The following XG variants were observed in gnomAD, a reference collection of about 807,000 sequenced individuals.
XG encodes Xg glycoprotein (Xg blood group), also known as glycoprotein Xg.
A neutral mutation model predicts 25.7 loss-of-function variants in XG; 24 were observed. The observed-to-expected ratio is 0.93, with a 90% CI of 0.68 to 1.31. The LOEUF (loss-of-function observed/expected upper bound fraction) is 1.31. Ranked by LOEUF, XG falls within the 40% of genes most tolerant of loss-of-function variation. The probability of loss-of-function intolerance (pLI) is 0.00; values close to 1 mark genes in which losing one functional copy is unlikely to be tolerated. For missense variants in XG, 181 were observed against 187.6 expected, an observed-to-expected ratio of 0.96 and a Z score of 0.21; for synonymous variants, 77 against 69.2, an observed-to-expected ratio of 1.11 and a Z score of -0.56.
At chrX:2,779,168 TAGG>T (rs1168301677) in intron 3 of XG, among the ~76,000 whole-genome samples, 1 of 151,614 alleles carries the variant, frequency 6.6e-6, no homozygotes, top group African/African-American at 2.4e-5. Flanking sequence ...ACCTCAGAGT[TAGG>T]AGGTTTTTCT....
At chrX:2,779,804 C>T (rs2857318) in intron 3 of XG, among the ~76,000 whole-genome samples, 43,111 of 151,642 alleles carry the variant, frequency 0.28, 2,933 homozygotes, top group African/African-American at 0.4. Context: ...GCGCCACCAC[C>T]CCCAGCTAAT....
intron 2 of XG, among the ~76,000 whole-genome samples, chrX:2,772,805 CT>C (rs1462847879): frequency 1.3e-5 from 2 of 152,222 alleles, no homozygotes; most frequent in Admixed American, 1.3e-4. Flanking sequence ...CTGCCAGTGC[CT>C]GCAAACACAT....
At chrX:2,783,769 G>A (rs1314933085) in intron 4 of XG, among the ~76,000 whole-genome samples, 2 of 112,864 alleles carry the variant, frequency 1.8e-5, no homozygotes, top group East Asian at 5.6e-4. Flanking sequence ...GAAGTCAGGA[G>A]CTCGAGACCA....
intron 7 of XG, among the ~76,000 whole-genome samples, chrX:2,805,870 C>A (rs973733780): frequency 9.0e-6 from 1 of 111,722 alleles, no homozygotes; most frequent in Non-Finnish European, 1.9e-5. Flanking sequence ...GTTAGGACTG[C>A]GACCTGTGAA....
intron 9 of XG, among the ~76,000 whole-genome samples, chrX:2,808,848 C>T (rs2087028661): frequency 9.0e-6 from 1 of 111,639 alleles, no homozygotes. Context: ...CTCTACCTTT[C>T]AATGATCATG....
chrX:2,774,834 T>C, intron 3 of XG, 95 bp downstream of exon 3: 1 of 1,499,256 alleles, frequency 6.7e-7, no homozygotes, highest in African/African-American at 1.4e-5. Flanking sequence ...AACTGTGGGG[T>C]ATATGAAAGA....
rs868579518 is a variant in XG at position 2,770,017 on chromosome X, G to T, written c.62-533G>T. ...CTCAACCTAGACTCTGTGCGTGTGT[G>T]GAGGGGTGGGGGGGGCGTTGGGGGG... On this transcript the variant is annotated intron_variant, in intron 1 of 10. Coordinates refer to ENST00000644266, the MANE Select transcript of XG (RefSeq NM_001141919.2). 1.1e-3 allele frequency among the ~76,000 whole-genome samples: 133 copies of T among 117,626 alleles called. 3 individuals carry two copies. Among genetic ancestry groups the T allele is most frequent in the Non-Finnish European group, 2.3e-3 (116 of 50,826 alleles). The allele number at this position is 117,626 out of a possible 152,430, so 77.2% of individuals were successfully genotyped here.
chrX:2,797,986 G>C (rs2086901018), intron 7 of XG, among the ~76,000 whole-genome samples: 1 of 112,201 alleles, frequency 8.9e-6, no homozygotes, highest in Non-Finnish European at 1.9e-5. Context: ...GCTTCAGTGA[G>C]CAGACAGAGA....
chrX:2,783,458 T>G (rs2086752597), intron 4 of XG, among the ~76,000 whole-genome samples: 1 of 112,110 alleles, frequency 8.9e-6, no homozygotes, highest in Non-Finnish European at 1.9e-5. Context: ...TCAACAACCT[T>G]AAAAACTTAA....
chrX:2,768,331 G>T (rs1398687364), intron 1 of XG, among the ~76,000 whole-genome samples: 3 of 152,174 alleles, frequency 2.0e-5, no homozygotes, highest in Non-Finnish European at 4.4e-5. Context: ...GCATAGCCGG[G>T]ACGCTTAACT....
At chrX:2,810,533 C>T (rs770277120) in intron 9 of XG, among the ~76,000 whole-genome samples, 4 of 111,384 alleles carry the variant, frequency 3.6e-5, no homozygotes, top group Non-Finnish European at 7.5e-5. Context: ...GCCTGTCATC[C>T]CAACTACTCA....
chrX:2,765,307 C>T (rs773941748), intron 1 of XG, among the ~76,000 whole-genome samples: 53 of 150,890 alleles, frequency 3.5e-4, no homozygotes, highest in African/African-American at 1.1e-3. Flanking sequence ...ACAGAGATTG[C>T]GCCATTGCAC....
intron 3 of XG, among the ~76,000 whole-genome samples, chrX:2,777,457 G>C (rs1382972280): frequency 6.6e-6 from 1 of 152,062 alleles, no homozygotes; most frequent in Non-Finnish European, 1.5e-5. Context: ...GCCAAGTGTT[G>C]TGGTGAATGC....
chrX:2,778,005 A>G (rs2051038861), intron 3 of XG, among the ~76,000 whole-genome samples: 1 of 152,228 alleles, frequency 6.6e-6, no homozygotes, highest in Non-Finnish European at 1.5e-5. Flanking sequence ...GCAAATAACC[A>G]ATAGAAAGAA....
intron 1 of XG, among the ~76,000 whole-genome samples, chrX:2,753,627 G>C (rs66493023): frequency 0.1 from 15,795 of 151,020 alleles, 908 homozygotes; most frequent in Middle Eastern, 0.15. Flanking sequence ...CTGTTGCCCA[G>C]GCTGGAGTGC....
chrX:2,777,558 AC>A (rs1418858917), intron 3 of XG, among the ~76,000 whole-genome samples: 1 of 152,188 alleles, frequency 6.6e-6, no homozygotes, highest in African/African-American at 2.4e-5. Flanking sequence ...GCGCCACTGC[AC>A]TTCCGCCTGG....
intron 3 of XG, among the ~76,000 whole-genome samples, chrX:2,780,165 C>T (rs1428068835): frequency 6.7e-6 from 1 of 149,956 alleles, no homozygotes; most frequent in Non-Finnish European, 1.5e-5. Context: ...TAGCTCCTAC[C>T]AAAACAGACG....
intron 8 of XG, among the ~76,000 whole-genome samples, chrX:2,807,166 TTG>T (rs752744594): frequency 6.5e-4 from 73 of 112,597 alleles, no homozygotes; most frequent in African/African-American, 2.1e-3. Flanking sequence ...ACATGCATGT[TTG>T]TGTATGTGCA....
chrX:2,782,681 G>A (rs2086742500), intron 4 of XG, among the ~76,000 whole-genome samples: 1 of 111,272 alleles, frequency 9.0e-6, no homozygotes, highest in African/African-American at 3.3e-5. Context: ...AGTGGTGTCA[G>A]CTGATCCATC....
Sources: gnomAD v4.1 joint callset for allele counts (sites outside exome capture counted in the v4.1 genomes callset) on GRCh38, gnomAD v4.1.1 for gene constraint, MANE v1.5 for transcripts, NCBI Gene and HGNC (gene_info 2026-07-23, HGNC 2026-07-21) for gene names.